DTX2: variants seen among roughly 807,000 people sequenced by gnomAD.
DTX2 encodes the protein deltex E3 ubiquitin ligase 2, also known as probable E3 ubiquitin-protein ligase DTX2.
In DTX2, 29 loss-of-function variants were observed where a neutral mutation model predicts 55.3. That is an observed-to-expected ratio of 0.52 (90% CI 0.39 to 0.71). DTX2 has a LOEUF of 0.71. Ranked by LOEUF, DTX2 falls within the 30% of genes least tolerant of loss-of-function variation. The probability of loss-of-function intolerance (pLI) is 0.00; values close to 1 mark genes in which losing one functional copy is unlikely to be tolerated. For missense variants in DTX2, 537 were observed against 822.5 expected (o/e 0.65, Z 4.25); for synonymous variants, 276 against 340.4 (o/e 0.81, Z 2.08).
intron 2 of DTX2, chr7:76,474,477 T>C (rs1808319068): frequency 6.6e-6 from 1 of 152,198 alleles, no homozygotes; most frequent in Non-Finnish European, 1.5e-5. Context: ...AACTGCCCTG[T>C]GGCCACCCAG....
At chr7:76,463,170 C>G (rs1471965744) in intron 1 of DTX2, among the ~76,000 whole-genome samples, 1 of 149,932 alleles carries the variant, frequency 6.7e-6, no homozygotes, top group African/African-American at 2.5e-5. Context: ...CCCAGCTACT[C>G]GGGAAGCTGA....
intron 8 of DTX2, chr7:76,503,078 C>G: frequency 3.0e-6 from 1 of 329,520 alleles, no homozygotes; most frequent in Non-Finnish European, 5.6e-6. Context: ...CTAGTGTCTG[C>G]CATCCTGGGC....
intron 2 of DTX2, among the ~76,000 whole-genome samples, chr7:76,474,194 TTTTTCTTTTTCTTTTC>T (rs1165379178): frequency 3.6e-5 from 3 of 84,176 alleles, no homozygotes; most frequent in African/African-American, 1.4e-4. Context: ...TTTCTTTTTC[TTTTTCTTTTTCTTTTC>T]TTTCTTTCTT....
Position 76,482,798 on chromosome 7 carries a change from G to T in DTX2, c.559G>T (p.Ala187Ser), listed in dbSNP as rs543279359. 2.2e-5 allele frequency: 36 copies of T among 1,613,728 alleles called. No individual in the cohort carries two copies. The East Asian group carries it at 7.1e-4, about 32-fold the overall frequency. The change falls in exon 4 of 11, where the codon GCT becomes TCT. Residue 187 changes from alanine to serine, a missense_variant. Physicochemically the swap from Ala to Ser is moderately conservative, Grantham distance 99 (BLOSUM62 1). Around this residue, in one of 7 missense-constraint regions of DTX2, gnomAD observed 301 missense variants for 396.6 expected, o/e 0.76. Transcript: ENST00000430490. ...GCCTTACCCGGTGACCACCATCATC[G>T]CTCCGCCGGGCCACACAGGCGTCGC... ...GPPYPVTTIIAPPGHTGVACS... is the reference protein window; with the variant it reads ...GPPYPVTTIISPPGHTGVACS...
intron 4 of DTX2, 100 bp downstream of exon 4, chr7:76,483,247 G>A: frequency 7.1e-7 from 1 of 1,409,300 alleles, no homozygotes; most frequent in Non-Finnish European, 9.4e-7. Context: ...CTGCCCCCTA[G>A]GTGGTCCTGC....
chr7:76,473,571 G>T lies in DTX2; in HGVS notation c.-89-6850G>T, dbSNP rs1242984633. On this transcript the variant is annotated intron_variant, in intron 2 of 10. Transcript: ENST00000430490. ...TGTAATCCTAGCACTTGAGGAGACCGAGATGGGCAGATCACTTGAGGCCAG... is the reference window on the plus strand; with the variant it reads ...TGTAATCCTAGCACTTGAGGAGACCTAGATGGGCAGATCACTTGAGGCCAG... Among the ~76,000 whole-genome samples the T allele has an allele frequency of 3.8e-5, 4 of 105,138 alleles. 2 individuals carry two copies. The allele number at this position is 105,138 out of a possible 152,430, so 69.0% of individuals were successfully genotyped here. A position where few individuals can be genotyped will look rare whatever the true frequency, so the allele number is the denominator to read the frequency against.
At chr7:76,503,329 A>G in intron 8 of DTX2, 97 bp from the exon 9 acceptor site, 1 of 1,394,322 alleles carries the variant, frequency 7.2e-7, no homozygotes, top group Non-Finnish European at 9.6e-7. Context: ...GATGGTGGCC[A>G]GCCCATTCCC....
chr7:76,472,211 T>C (rs1330498840), intron 2 of DTX2: 1 of 151,298 alleles, frequency 6.6e-6, no homozygotes, highest in Non-Finnish European at 1.5e-5. Context: ...GGGCCTGATA[T>C]TAGTGAAACT....
intron 2 of DTX2, among the ~76,000 whole-genome samples, chr7:76,474,223 C>CTTT (rs11308718): frequency 1.3e-4 from 17 of 134,468 alleles, no homozygotes; most frequent in Non-Finnish European, 2.1e-4. Flanking sequence ...TCTTTCTTTT[C>CTTT]TTTTTTTTTT....
intron 3 of DTX2, among the ~76,000 whole-genome samples, chr7:76,481,798 T>C (rs1165013093): frequency 6.6e-6 from 1 of 151,998 alleles, no homozygotes. Flanking sequence ...CCTTTTTTTT[T>C]TCAATTTTAA....
At chr7:76,476,791 A>G (rs1279013726) in intron 2 of DTX2, among the ~76,000 whole-genome samples, 4 of 151,496 alleles carry the variant, frequency 2.6e-5, no homozygotes, top group Non-Finnish European at 5.9e-5. Context: ...GTGAGTAGGA[A>G]CAGTGGCTGG....
intron 6 of DTX2, among the ~76,000 whole-genome samples, chr7:76,498,473 G>A (rs1469398942): frequency 1.3e-5 from 2 of 149,062 alleles, no homozygotes; most frequent in South Asian, 2.2e-4. Flanking sequence ...GGAAGGACAC[G>A]CTCTTGGTGG....
chr7:76,482,780 C>A lies in DTX2; in HGVS notation c.541C>A (p.Pro181Thr). 2 of 1,613,854 alleles carry A rather than the reference C, an allele frequency of 1.2e-6. No homozygotes were observed. The highest frequency in any genetic ancestry group is 1.7e-6 in the Non-Finnish European group (2 of 1,179,826). The change falls in exon 4 of 11, where the codon CCG becomes ACG. Residue 181 changes from proline to threonine, a missense_variant. Coordinates refer to ENST00000430490, the MANE Select transcript of DTX2 (RefSeq NM_001102594.3). Reference protein sequence around the residue: ...SVRRQAGPPYPVTTIIAPPGH... With the variant: ...SVRRQAGPPYTVTTIIAPPGH... ...GCGGCGCCAAGCAGGGCCGCCTTAC[C>A]CGGTGACCACCATCATCGCTCCGCC...
In DTX2 at chr7:76,505,483, A is replaced by C; in HGVS notation, c.1751A>C (p.Lys584Thr). Residue 584 changes from lysine (K) to threonine (T), a missense_variant, in exon 11 of 11, where the codon AAG becomes ACG. By Grantham distance (78) the Lys-to-Thr change is moderately conservative (BLOSUM62 -1). Transcript: ENST00000430490. This position sits in a 1 kb window ranked among gnomAD's most constrained non-coding sequence, Gnocchi z 4.4. ...DTVVWNEIHH[K>T]TEMDRNITGH... The stretch of plus-strand genomic sequence containing the variant: ...GTGGTATGGAACGAGATCCACCACA[A>C]GACAGAGATGGACCGCAACATTACG... The C allele has an allele frequency of 6.2e-7, 1 of 1,609,914 alleles. No homozygotes were observed. The highest frequency in any genetic ancestry group is 8.5e-7 in the Non-Finnish European group (1 of 1,178,308).
chr7:76,469,603 C>T (rs1217159014), intron 2 of DTX2, among the ~76,000 whole-genome samples: 2 of 149,904 alleles, frequency 1.3e-5, no homozygotes, highest in African/African-American at 2.5e-5. Flanking sequence ...CTGCATTAGC[C>T]AGGATGGTCT....
chr7:76,497,791 G>A (rs937853062), intron 6 of DTX2, among the ~76,000 whole-genome samples: 2 of 150,622 alleles, frequency 1.3e-5, no homozygotes, highest in Admixed American at 1.3e-4. Context: ...CAGGATGCGG[G>A]GACAACCGTC....
At chr7:76,476,733 T>G (rs1252994956) in intron 2 of DTX2, among the ~76,000 whole-genome samples, 4 of 151,838 alleles carry the variant, frequency 2.6e-5, no homozygotes, top group African/African-American at 4.8e-5. Flanking sequence ...TGGAATGTTC[T>G]GGAACTTTCT....
In DTX2 at chr7:76,503,528, C is replaced by G. The variant is rs747125833; in HGVS notation, c.1492C>G (p.Pro498Ala). The change falls in exon 9 of 11, where the codon CCC becomes GCC. Residue 498 changes from proline (P) to alanine (A), a missense_variant. Pro to Ala is a conservative substitution (Grantham distance 27). Transcript: ENST00000430490. Reference sequence around the variant, plus strand: ...GGTATTACGGTTCCAGATGTCGCTCCCCGGCCACGAGGACTGCGGGACCAT... The same window carrying G: ...GGTATTACGGTTCCAGATGTCGCTCGCCGGCCACGAGGACTGCGGGACCAT... Reference protein sequence around the residue: ...MEVLRFQMSLPGHEDCGTILI... With the variant: ...MEVLRFQMSLAGHEDCGTILI... 6.2e-7 allele frequency: 1 copy of G among 1,612,820 alleles called. No individual in the cohort carries two copies. The highest frequency in any genetic ancestry group is 8.5e-7 in the Non-Finnish European group (1 of 1,179,882).
At chr7:76,495,721 G>T (rs1457075454) in intron 5 of DTX2, among the ~76,000 whole-genome samples, 1 of 151,614 alleles carries the variant, frequency 6.6e-6, no homozygotes, top group Non-Finnish European at 1.5e-5. Context: ...CGTGGAACTC[G>T]TGCTGAGGGA....
Sources: gnomAD v4.1 joint callset for allele counts (sites outside exome capture counted in the v4.1 genomes callset) on GRCh38, gnomAD v4.1.1 for gene constraint, gnomAD v4.1.1 regional missense constraint, Gnocchi (gnomAD v3.1) non-coding constraint, MANE v1.5 for transcripts, NCBI Gene and HGNC (gene_info 2026-07-23, HGNC 2026-07-21) for gene names.